Variants in MKNK2 observed in about 807,000 individuals in gnomAD.
MKNK2 encodes the protein MAPK interacting serine/threonine kinase 2.
A neutral mutation model predicts 55.0 loss-of-function variants in MKNK2; 54 were observed. That is an observed-to-expected ratio of 0.98 (90% CI 0.79 to 1.23). The LOEUF (loss-of-function observed/expected upper bound fraction) is 1.23. Ranked by LOEUF, MKNK2 falls within the 50% of genes most tolerant of loss-of-function variation. The pLI, the probability that MKNK2 is intolerant of heterozygous loss-of-function variation, is 0.00. For synonymous variants in MKNK2, 323 were observed against 256.0 expected (o/e 1.26, Z -2.50); for missense variants, 685 against 632.1 (o/e 1.08, Z -0.90).
Position 2,038,471 on chromosome 19 carries a change from C to A in MKNK2, c.*1142G>T. 1 of 985,500 alleles carries A rather than the reference C, an allele frequency of 1.0e-6. No individual in the cohort carries two copies. Among genetic ancestry groups the A allele is most frequent in the Non-Finnish European group, 1.2e-6 (1 of 829,922 alleles). The allele number at this position is 985,500 out of a possible 1,614,324, so 61.0% of individuals were successfully genotyped here. On this transcript the variant is annotated 3_prime_UTR_variant, in exon 14 of 14. Transcript: ENST00000250896. ...GCTCCGCAGCCCCCGGGGGTTGGAG[C>A]ATGGAGGGTGGGGGGACTGAGCAGA...
chr19:2,050,391 C>T (rs2017088744), intron 2 of MKNK2, among the ~76,000 whole-genome samples: 1 of 152,234 alleles, frequency 6.6e-6, no homozygotes, highest in Non-Finnish European at 1.5e-5. Context: ...CCCGTCCCCA[C>T]CAGGGCACAA....
At position 2,039,340 on chromosome 19, in the gene MKNK2, A is replaced by C; in HGVS notation, c.*273T>G. On this transcript the variant is annotated 3_prime_UTR_variant, in exon 14 of 14. Coordinates refer to ENST00000250896, the MANE Select transcript of MKNK2 (RefSeq NM_199054.3). ...AGCAGGGCGGGGGACCGGGGAGGGGACAAGCCCACCCACCTACCCTCTGCT... is the reference window on the plus strand; with the variant it reads ...AGCAGGGCGGGGGACCGGGGAGGGGCCAAGCCCACCCACCTACCCTCTGCT... The C allele has an allele frequency of 7.5e-7, 1 of 1,326,952 alleles. No homozygotes were observed. The highest frequency in any genetic ancestry group is 9.6e-7 in the Non-Finnish European group (1 of 1,036,740). The allele number at this position is 1,326,952 out of a possible 1,614,324, so 82.2% of individuals were successfully genotyped here. A position where few individuals can be genotyped will look rare whatever the true frequency, so the allele number is the denominator to read the frequency against.
At position 2,037,921 on chromosome 19, in the gene MKNK2, G is replaced by A; in HGVS notation, c.*1692C>T. On this transcript the variant is annotated 3_prime_UTR_variant, in exon 14 of 14. Coordinates refer to ENST00000250896, the MANE Select transcript of MKNK2 (RefSeq NM_199054.3). ...GCTATGGGCGCCTGCAGCGGGCGGG[G>A]GTCCATTTGCTTGTTCTTTGATACA... 1 of 1,396,164 alleles carries A rather than the reference G, an allele frequency of 7.2e-7. No homozygotes were observed. The highest frequency in any genetic ancestry group is 9.4e-7 in the Non-Finnish European group (1 of 1,059,388). 86.5% of individuals were successfully genotyped at this position (1,396,164 alleles called of 1,614,324 possible).
Position 2,037,561 on chromosome 19 carries a change from G to GTCAGT in MKNK2, c.*2047_*2051dup. ...GTGTAAAGGAAAACTTCTGAGCTCC[G>GTCAGT]TCAGTTCACCTGGTACATTGGAATT... is the stretch of plus-strand genomic sequence containing the variant. On this transcript the variant is annotated 3_prime_UTR_variant, in exon 14 of 14. Transcript: ENST00000250896. 2.3e-6 allele frequency: 1 copy of GTCAGT among 436,506 alleles called. No individual in the cohort carries two copies. The highest frequency in any genetic ancestry group is 3.5e-5 in the East Asian group (1 of 28,328). The allele number at this position is 436,506 out of a possible 1,614,324, so 27.0% of individuals were successfully genotyped here.
In MKNK2 at chr19:2,037,901, G is replaced by A; in HGVS notation, c.*1712C>T. 1 of 1,459,648 alleles carries A rather than the reference G, an allele frequency of 6.9e-7. No homozygotes were observed. The allele number at this position is 1,459,648 out of a possible 1,614,324, so 90.4% of individuals were successfully genotyped here. On this transcript the variant is annotated 3_prime_UTR_variant, in exon 14 of 14. Transcript: ENST00000250896. ...TCAGCTTTAGAGACCCGATGGCTATGGGCGCCTGCAGCGGGCGGGGGTCCA... is the reference window on the plus strand; with the variant it reads ...TCAGCTTTAGAGACCCGATGGCTATAGGCGCCTGCAGCGGGCGGGGGTCCA...
chr19:2,048,432 G>A (rs2017045352), intron 2 of MKNK2, among the ~76,000 whole-genome samples: 1 of 152,104 alleles, frequency 6.6e-6, no homozygotes, highest in Admixed American at 6.5e-5. Flanking sequence ...CTGGGGAACC[G>A]AGGCCCGGTC....
chr19:2,041,305 G>T, intron 11 of MKNK2, 101 bp from the exon 12 acceptor site: 1 of 1,293,894 alleles, frequency 7.7e-7, no homozygotes, highest in Non-Finnish European at 1.1e-6. Context: ...CCCTAGACCA[G>T]GCCCTAGACC....
chr19:2,051,148 A>G lies in MKNK2; in HGVS notation c.-149T>C, dbSNP rs974967539. 3 of 167,028 alleles carry G rather than the reference A, an allele frequency of 1.8e-5. No homozygotes were observed. The highest frequency in any genetic ancestry group is 7.2e-5 in the African/African-American group (3 of 41,558). The allele number at this position is 167,028 out of a possible 1,614,324, so 10.3% of individuals were successfully genotyped here. A position where few individuals can be genotyped will look rare whatever the true frequency, so the allele number is the denominator to read the frequency against. On this transcript the variant is annotated 5_prime_UTR_variant, in exon 1 of 14. Transcript: ENST00000250896. Reference sequence around the variant, plus strand: ...GTGCCGCCGCCGCCCCACGTCGCGCAGCCCGGACCCCGCTCCGCGGACCGC... The same window carrying G: ...GTGCCGCCGCCGCCCCACGTCGCGCGGCCCGGACCCCGCTCCGCGGACCGC...
intron 11 of MKNK2, among the ~76,000 whole-genome samples, chr19:2,041,619 G>T (rs1460480850): frequency 6.6e-6 from 1 of 152,128 alleles, no homozygotes; most frequent in African/African-American, 2.4e-5. Flanking sequence ...AGGGAGTAGG[G>T]CACACCGGGC....
rs1328020793 is a variant in MKNK2, at chr19:2,038,945, C to T, written c.*668G>A. 5 of 985,238 alleles carry T rather than the reference C, an allele frequency of 5.1e-6. No homozygotes were observed. The highest frequency in any genetic ancestry group is 1.2e-4 in the Admixed American group (2 of 16,226). The allele number at this position is 985,238 out of a possible 1,614,324, so 61.0% of individuals were successfully genotyped here. Reference sequence around the variant, plus strand: ...CCACCAGGAGTCCTGGACAGACAGACGGGCCTTGCAGGAAGCCCCGATTGT... The same window carrying T: ...CCACCAGGAGTCCTGGACAGACAGATGGGCCTTGCAGGAAGCCCCGATTGT... On this transcript the variant is annotated 3_prime_UTR_variant, in exon 14 of 14. Transcript: ENST00000250896.
Position 2,039,514 on chromosome 19 carries a change from G to C in MKNK2, c.*99C>G, listed in dbSNP as rs1407100574. 2 of 1,468,582 alleles carry C rather than the reference G, an allele frequency of 1.4e-6. No homozygotes were observed. The highest frequency in any genetic ancestry group is 4.6e-5 in the Admixed American group (2 of 43,182). 91.0% of individuals were successfully genotyped at this position (1,468,582 alleles called of 1,614,324 possible). ...CTTAGTGCCTGGGAATCCAGGCAGA[G>C]GAGGGGCAGCCCGCTGGACACCGGC... On this transcript the variant is annotated 3_prime_UTR_variant, in exon 14 of 14. Transcript: ENST00000250896.
intron 12 of MKNK2, 87 bp from the exon 13 acceptor site, chr19:2,040,264 T>A: frequency 8.5e-7 from 1 of 1,171,044 alleles, no homozygotes; most frequent in Non-Finnish European, 1.2e-6. Flanking sequence ...AGGGATGCCA[T>A]GCCCATCCCA....
Position 2,046,701 on chromosome 19 carries a change from A to T in MKNK2, c.52-10T>A. 1 of 1,500,688 alleles carries T rather than the reference A, an allele frequency of 6.7e-7. No homozygotes were observed. The highest frequency in any genetic ancestry group is 8.9e-7 in the Non-Finnish European group (1 of 1,125,552). 93.0% of individuals were successfully genotyped at this position (1,500,688 alleles called of 1,614,324 possible). A position where few individuals can be genotyped will look rare whatever the true frequency, so the allele number is the denominator to read the frequency against. On this transcript the variant is annotated splice_polypyrimidine_tract_variant and intron_variant, in intron 2 of 13. Coordinates refer to ENST00000250896, the MANE Select transcript of MKNK2 (RefSeq NM_199054.3). ...CGAAGGGGTTCTGCCCCTGCAGGGG[A>T]GAGGAGAGGAGAGGCACTCAGGCCC...
At chr19:2,042,564 G>A (rs1293486570) in intron 9 of MKNK2, 42 bp from the exon 10 acceptor site, 8 of 1,576,192 alleles carry the variant, frequency 5.1e-6, no homozygotes, top group African/African-American at 2.7e-5. Flanking sequence ...GGTCCCACGC[G>A]GTCCACCCCT....
In MKNK2 at chr19:2,039,884, C is replaced by A. The variant is rs374223145; in HGVS notation, c.1155-28G>T. 7 of 1,573,724 alleles carry A rather than the reference C, an allele frequency of 4.4e-6. No individual in the cohort carries two copies. In the African/African-American group the frequency reaches 6.7e-5, roughly 15 times the overall value. On this transcript the variant is annotated intron_variant, in intron 13 of 13. Coordinates refer to ENST00000250896, the MANE Select transcript of MKNK2 (RefSeq NM_199054.3). ...GGGAAACGGGGTGGGGGTAGGTGGTCACCAAGAGGCACCCCTCAGGGGACC... is the reference window on the plus strand; with the variant it reads ...GGGAAACGGGGTGGGGGTAGGTGGTAACCAAGAGGCACCCCTCAGGGGACC...
chr19:2,050,359 G>A (rs1181459147), intron 2 of MKNK2, among the ~76,000 whole-genome samples: 3 of 152,230 alleles, frequency 2.0e-5, no homozygotes, highest in Non-Finnish European at 2.9e-5. Flanking sequence ...ATGGAGGTGG[G>A]AATGGGACTG....
rs1330806923 is a variant in MKNK2 at position 2,042,534 on chromosome 19, C to A, written c.655-12G>T. ...TTCACGGGGGAGACCTGGGAGGGGC[C>A]AAAAGGTCCGTGAGCCTGGGGTCCC... On this transcript the variant is annotated splice_polypyrimidine_tract_variant and intron_variant, in intron 9 of 13. Coordinates refer to ENST00000250896, the MANE Select transcript of MKNK2 (RefSeq NM_199054.3). 2 of 1,588,664 alleles carry A rather than the reference C, an allele frequency of 1.3e-6. No individual in the cohort carries two copies. The highest frequency in any genetic ancestry group is 1.7e-6 in the Non-Finnish European group (2 of 1,168,848).
At position 2,039,609 on chromosome 19, in the gene MKNK2, A is replaced by T; in HGVS notation, c.*4T>A. On this transcript the variant is annotated 3_prime_UTR_variant, in exon 14 of 14. Coordinates refer to ENST00000250896, the MANE Select transcript of MKNK2 (RefSeq NM_199054.3). ...GACCTATGTACAGAGGGGAGATGGGAGGGTCAGGCGTGGTCTCCCACCAGG... is the reference window on the plus strand; with the variant it reads ...GACCTATGTACAGAGGGGAGATGGGTGGGTCAGGCGTGGTCTCCCACCAGG... 6.2e-7 allele frequency: 1 copy of T among 1,608,078 alleles called. No individual in the cohort carries two copies. Among genetic ancestry groups the T allele is most frequent in the Non-Finnish European group, 8.5e-7 (1 of 1,177,130 alleles).
Position 2,039,242 on chromosome 19 carries a change from T to A in MKNK2, c.*371A>T, listed in dbSNP as rs887329584. 2.1e-5 allele frequency: 23 copies of A among 1,098,426 alleles called. No individual in the cohort carries two copies. In the Admixed American group the frequency reaches 8.2e-4, roughly 39 times the overall value. 68.0% of individuals were successfully genotyped at this position (1,098,426 alleles called of 1,614,324 possible). Reference sequence around the variant, plus strand: ...GGCAAACGCTGTGGGCCTGCTCTCCTGAGTCACTGCAAGCCACGTGGGCAG... The same window carrying A: ...GGCAAACGCTGTGGGCCTGCTCTCCAGAGTCACTGCAAGCCACGTGGGCAG... On this transcript the variant is annotated 3_prime_UTR_variant, in exon 14 of 14. Coordinates refer to ENST00000250896, the MANE Select transcript of MKNK2 (RefSeq NM_199054.3).
Sources: gnomAD v4.1 joint callset for allele counts (sites outside exome capture counted in the v4.1 genomes callset) on GRCh38, gnomAD v4.1.1 for gene constraint, MANE v1.5 for transcripts, NCBI Gene and HGNC (gene_info 2026-07-23, HGNC 2026-07-21) for gene names.